The following FOCAD variants were observed in gnomAD, a reference collection of about 807,000 sequenced individuals.
The protein encoded by FOCAD is KIAA1797.
A neutral mutation model predicts 225.6 loss-of-function variants in FOCAD; 198 were observed. The observed-to-expected ratio is 0.88, with a 90% CI of 0.78 to 0.99. The LOEUF (loss-of-function observed/expected upper bound fraction) is 0.99. Ranked by LOEUF, FOCAD falls within the 50% of genes least tolerant of loss-of-function variation. The probability of loss-of-function intolerance (pLI) is 0.00; values close to 1 mark genes in which losing one functional copy is unlikely to be tolerated. For synonymous variants in FOCAD, 897 were observed against 755.0 expected (o/e 1.19, Z -3.08); for missense variants, 2,713 against 2,123.6 (o/e 1.28, Z -5.46).
intron 15 of FOCAD, among the ~76,000 whole-genome samples, chr9:20,859,501 T>G (rs1310361699): frequency 1.3e-5 from 2 of 151,318 alleles, no homozygotes; most frequent in Non-Finnish European, 2.9e-5. Context: ...AATGGTCATA[T>G]TATAATGTAT....
chr9:20,974,290 C>A (rs1050837518), intron 35 of FOCAD, among the ~76,000 whole-genome samples: 2 of 136,982 alleles, frequency 1.5e-5, no homozygotes, highest in African/African-American at 5.8e-5. Context: ...CTTCCCCCTT[C>A]TTTCAGCATC....
intron 1 of FOCAD, among the ~76,000 whole-genome samples, chr9:20,687,841 C>T (rs1012877149): frequency 7.9e-5 from 12 of 152,128 alleles, no homozygotes; most frequent in African/African-American, 2.4e-4. Flanking sequence ...TATAATTAGT[C>T]GTTCACATAG....
intron 2 of FOCAD, among the ~76,000 whole-genome samples, chr9:20,675,021 TG>T (rs1822191581): frequency 6.6e-6 from 1 of 152,192 alleles, no homozygotes; most frequent in Non-Finnish European, 1.5e-5. Flanking sequence ...TCTGCAAAAA[TG>T]CAAGAGCCAC....
At chr9:20,849,444 T>C (rs551919881) in intron 15 of FOCAD, among the ~76,000 whole-genome samples, 1 of 152,026 alleles carries the variant, frequency 6.6e-6, no homozygotes, top group Admixed American at 6.6e-5. Context: ...GGTATTCTAA[T>C]ATAGTCAGTC....
chr9:20,932,960 T>G (rs1835622803), intron 27 of FOCAD, 54 bp from the exon 28 acceptor site: 13 of 1,247,440 alleles, frequency 1.0e-5, no homozygotes, highest in Non-Finnish European at 1.2e-5. Flanking sequence ...TTCAGTATTT[T>G]GGATAGTTGA....
At chr9:20,822,292 C>T (rs964284363) in intron 14 of FOCAD, among the ~76,000 whole-genome samples, 2 of 151,856 alleles carry the variant, frequency 1.3e-5, no homozygotes, top group Non-Finnish European at 2.9e-5. Context: ...AGATTTCTGA[C>T]AGGCAATTTC....
intron 29 of FOCAD, among the ~76,000 whole-genome samples, chr9:20,946,054 C>G (rs1837142590): frequency 6.6e-6 from 1 of 150,482 alleles, no homozygotes; most frequent in Non-Finnish European, 1.5e-5. Context: ...TCCATTCCCA[C>G]CATTGTTTTT....
rs534050508 is a variant in FOCAD at position 20,797,886 on chromosome 9, G to A, written c.1455+8278G>A. 3.9e-5 allele frequency among the ~76,000 whole-genome samples: 6 copies of A among 152,152 alleles called. No individual in the cohort carries two copies. The East Asian group carries it at 1.2e-3, about 29-fold the overall frequency. The stretch of plus-strand genomic sequence containing the variant: ...TGGCCAGAACTTCCAACACTATGTC[G>A]AATGGGAGTGGTGAGAGAGGGTATC... On this transcript the variant is annotated intron_variant, in intron 11 of 43. Transcript: ENST00000338382.
chr9:20,851,560 T>C (rs1409140085), intron 15 of FOCAD, among the ~76,000 whole-genome samples: 2 of 151,782 alleles, frequency 1.3e-5, no homozygotes, highest in Non-Finnish European at 2.9e-5. Context: ...GTAAATTCAC[T>C]AATAAAGTCT....
intron 1 of FOCAD, among the ~76,000 whole-genome samples, chr9:20,710,525 G>A (rs1824756822): frequency 6.6e-6 from 1 of 151,806 alleles, no homozygotes; most frequent in South Asian, 2.1e-4. Context: ...TGAACCCAGA[G>A]GTGGAGGCTG....
chr9:20,736,848 A>G (rs1047425064), intron 4 of FOCAD, among the ~76,000 whole-genome samples: 2 of 152,088 alleles, frequency 1.3e-5, no homozygotes, highest in Admixed American at 1.3e-4. Flanking sequence ...GTTAATTCAA[A>G]TTGAAGTAGG....
chr9:20,812,953 C>T (rs983199646), intron 11 of FOCAD, among the ~76,000 whole-genome samples: 1 of 151,996 alleles, frequency 6.6e-6, no homozygotes, highest in East Asian at 1.9e-4. Flanking sequence ...TATTTTTGTA[C>T]GGTGGATCTC....
At chr9:20,921,254 A>G (rs1051739442) in intron 24 of FOCAD, among the ~76,000 whole-genome samples, 1 of 152,200 alleles carries the variant, frequency 6.6e-6, no homozygotes, top group East Asian at 1.9e-4. Flanking sequence ...CTAAGAAAGC[A>G]TCATTGTAGC....
intron 15 of FOCAD, among the ~76,000 whole-genome samples, chr9:20,837,543 G>GT (rs775995510): frequency 0.015 from 2,189 of 150,016 alleles, 17 homozygotes; most frequent in Non-Finnish European, 0.024. Context: ...TAATGGGTAG[G>GT]GTTTTTTTTT....
chr9:20,883,850 A>G (rs1265358874), intron 20 of FOCAD, among the ~76,000 whole-genome samples: 1 of 152,244 alleles, frequency 6.6e-6, no homozygotes. Context: ...TTCCAACTCA[A>G]GAAGCTTGGA....
chr9:20,773,854 C>T (rs937124910), intron 8 of FOCAD, among the ~76,000 whole-genome samples: 2 of 152,130 alleles, frequency 1.3e-5, no homozygotes, highest in African/African-American at 2.4e-5. Flanking sequence ...CTGATTGCAA[C>T]CGTATGGTGC....
In FOCAD at chr9:20,978,435, C is replaced by T. The variant is rs1840396774; in HGVS notation, c.4358C>T (p.Pro1453Leu). The change falls in exon 37 of 44, where the codon CCA becomes CTA. Residue 1453 changes from proline (P) to leucine (L), a missense_variant. Transcript: ENST00000338382. The part of the protein sequence containing the change: ...AALLGLWVTP[P>L]LIHSLSLNTK... ...CTATTGGGCTTGTGGGTGACACCACCACTGATCCACAGTCTGAGTGTATGT... is the reference window on the plus strand; with the variant it reads ...CTATTGGGCTTGTGGGTGACACCACTACTGATCCACAGTCTGAGTGTATGT... The T allele has an allele frequency of 6.2e-7, 1 of 1,610,104 alleles. No homozygotes were observed. The highest frequency in any genetic ancestry group is 8.5e-7 in the Non-Finnish European group (1 of 1,177,736).
intron 5 of FOCAD, among the ~76,000 whole-genome samples, chr9:20,750,601 T>A (rs550097015): frequency 5.9e-5 from 9 of 152,300 alleles, no homozygotes; most frequent in African/African-American, 2.2e-4. Flanking sequence ...CTGGTTTGTA[T>A]TGATCTTGAT....
intron 40 of FOCAD, among the ~76,000 whole-genome samples, chr9:20,987,221 G>A (rs1049919949): frequency 3.3e-5 from 5 of 152,086 alleles, no homozygotes; most frequent in African/African-American, 9.7e-5. Flanking sequence ...TGACAAACAC[G>A]ATTGTAATAC....
Sources: allele counts gnomAD v4.1 joint callset (sites outside exome capture counted in the v4.1 genomes callset), GRCh38; gene constraint gnomAD v4.1.1; transcripts MANE v1.5; gene names NCBI Gene and HGNC (gene_info 2026-07-23, HGNC 2026-07-21).